The following RSRC1 variants were observed in gnomAD, a reference collection of about 807,000 sequenced individuals.
RSRC1 encodes the protein arginine and serine rich coiled-coil 1, also known as serine/Arginine-related protein 53.
RSRC1 carries 39 observed loss-of-function variants against 49.1 expected under a neutral mutation model. The observed-to-expected ratio is 0.79, with a 90% CI of 0.61 to 1.04. The LOEUF is 1.04. RSRC1 is among the 50% of genes least tolerant of loss of function. The pLI, the probability that RSRC1 is intolerant of heterozygous loss-of-function variation, is 0.00. For missense variants in RSRC1, 388 were observed against 402.4 expected (o/e 0.96, Z 0.31); for synonymous variants, 143 against 130.8 (o/e 1.09, Z -0.63).
rs1013795492 is a variant in RSRC1, at chr3:158,374,846, C to T, written c.583+19938C>T. On this transcript the variant is annotated intron_variant, in intron 6 of 9. Coordinates refer to ENST00000611884, the MANE Select transcript of RSRC1 (RefSeq NM_001271838.2). ...ATGTAGTCATTCCTATGGTCTTCCT[C>T]CTGGAAGGAATATGTTAAAACCTAT... Among the ~76,000 whole-genome samples the T allele has an allele frequency of 8.5e-5, 13 of 152,092 alleles. No individual in the cohort carries two copies. In the East Asian group the frequency reaches 1.9e-3, roughly 23 times the overall value.
chr3:158,373,639 T>C (rs1490823998), intron 6 of RSRC1, among the ~76,000 whole-genome samples: 2 of 152,110 alleles, frequency 1.3e-5, no homozygotes, highest in South Asian at 2.1e-4. Context: ...AAAACTTTTG[T>C]TTTGTATATA....
At chr3:158,445,597 T>C (rs576937898) in intron 6 of RSRC1, among the ~76,000 whole-genome samples, 1 of 152,162 alleles carries the variant, frequency 6.6e-6, no homozygotes, top group Admixed American at 6.5e-5. Context: ...GGCACATGTA[T>C]ATATATGTAA....
chr3:158,168,974 G>A (rs1027690478), intron 3 of RSRC1, among the ~76,000 whole-genome samples: 6 of 152,036 alleles, frequency 3.9e-5, no homozygotes, highest in Admixed American at 1.3e-4. Flanking sequence ...TCACAAGATC[G>A]GATGGGAGGT....
intron 6 of RSRC1, among the ~76,000 whole-genome samples, chr3:158,402,439 A>G (rs925192454): frequency 6.6e-6 from 1 of 151,868 alleles, no homozygotes; most frequent in African/African-American, 2.4e-5. Context: ...TAAGGCAAGT[A>G]TATCTTTAAA....
In RSRC1 at chr3:158,286,457, T is replaced by G. The variant is rs1240275529; in HGVS notation, c.495-11582T>G. On this transcript the variant is annotated intron_variant, in intron 4 of 9. Transcript: ENST00000611884. Reference sequence around the variant, plus strand: ...TTGTTACCGTGCCTGGCAAACTCTGTTCAGTATTTCCTCACAGGTGGAATC... The same window carrying G: ...TTGTTACCGTGCCTGGCAAACTCTGGTCAGTATTTCCTCACAGGTGGAATC... Among the ~76,000 whole-genome samples the G allele has an allele frequency of 2.0e-5, 3 of 152,192 alleles. No individual in the cohort carries two copies. In the East Asian group the frequency reaches 5.8e-4, roughly 29 times the overall value.
At chr3:158,358,740 T>C (rs1480259835) in intron 6 of RSRC1, among the ~76,000 whole-genome samples, 1 of 152,154 alleles carries the variant, frequency 6.6e-6, no homozygotes, top group Non-Finnish European at 1.5e-5. Flanking sequence ...ACCGCTTACC[T>C]ACTAGCAGTT....
chr3:158,323,453 C>T (rs1485614975), intron 5 of RSRC1, among the ~76,000 whole-genome samples: 1 of 152,260 alleles, frequency 6.6e-6, no homozygotes. Flanking sequence ...TCTGGTTCTT[C>T]AAGATCTTCC....
chr3:158,220,199 G>C (rs181568836), intron 4 of RSRC1, among the ~76,000 whole-genome samples: 7 of 151,612 alleles, frequency 4.6e-5, no homozygotes, highest in African/African-American at 1.7e-4. Context: ...AGGGCTAATC[G>C]TAGATAGGGA....
At chr3:158,392,367 A>G (rs992866954) in intron 6 of RSRC1, among the ~76,000 whole-genome samples, 1 of 152,090 alleles carries the variant, frequency 6.6e-6, no homozygotes, top group Non-Finnish European at 1.5e-5. Flanking sequence ...GTGAAATACT[A>G]TTAAACTTAT....
intron 3 of RSRC1, among the ~76,000 whole-genome samples, chr3:158,168,759 G>A (rs1718686669): frequency 1.3e-5 from 2 of 152,140 alleles, no homozygotes; most frequent in African/African-American, 4.8e-5. Context: ...CTAGTAACTA[G>A]TTTATTAGTT....
At chr3:158,298,271 A>T (rs1727351262) in intron 5 of RSRC1, among the ~76,000 whole-genome samples, 196 bp downstream of exon 5, 1 of 151,972 alleles carries the variant, frequency 6.6e-6, no homozygotes, top group African/African-American at 2.4e-5. Flanking sequence ...AAATTTTTTA[A>T]ATTACTTTTT....
At position 158,203,259 on chromosome 3, in the gene RSRC1, A is replaced by G; in HGVS notation, c.494+14A>G. Reference sequence around the variant, plus strand: ...CATCAAACGTGGGTAAGTTGGAGCAAATCTTATCTGGTAAGGACTTGGTGA... The same window carrying G: ...CATCAAACGTGGGTAAGTTGGAGCAGATCTTATCTGGTAAGGACTTGGTGA... On this transcript the variant is annotated intron_variant, in intron 4 of 9. Coordinates refer to ENST00000611884, the MANE Select transcript of RSRC1 (RefSeq NM_001271838.2). The G allele has an allele frequency of 6.4e-7, 1 of 1,562,458 alleles. No homozygotes were observed.
intron 6 of RSRC1, among the ~76,000 whole-genome samples, chr3:158,433,543 A>G (rs1016807901): frequency 8.5e-5 from 13 of 152,064 alleles, no homozygotes; most frequent in African/African-American, 3.1e-4. Flanking sequence ...AACTCCAGCC[A>G]CCTCAGACCC....
intron 6 of RSRC1, among the ~76,000 whole-genome samples, chr3:158,391,433 A>C (rs931737919): frequency 6.6e-6 from 1 of 152,156 alleles, no homozygotes; most frequent in African/African-American, 2.4e-5. Context: ...AATGCCTACC[A>C]CTTGCCAGGA....
intron 6 of RSRC1, among the ~76,000 whole-genome samples, chr3:158,415,290 G>T (rs184487772): frequency 2.6e-5 from 4 of 152,042 alleles, no homozygotes; most frequent in Admixed American, 6.6e-5. Flanking sequence ...AGCTTTTTTT[G>T]TGTGTGTGAG....
At chr3:158,194,909 A>C (rs182449770) in intron 3 of RSRC1, among the ~76,000 whole-genome samples, 1 of 152,098 alleles carries the variant, frequency 6.6e-6, no homozygotes, top group South Asian at 2.1e-4. Flanking sequence ...TTGGACATTT[A>C]GGATAGGTTC....
chr3:158,365,960 G>A (rs939202052), intron 6 of RSRC1, among the ~76,000 whole-genome samples: 1 of 152,132 alleles, frequency 6.6e-6, no homozygotes, highest in South Asian at 2.1e-4. Flanking sequence ...TTTGAGAAGT[G>A]TCTGTTCATA....
At chr3:158,254,395 G>A (rs868269637) in intron 4 of RSRC1, among the ~76,000 whole-genome samples, 20 of 152,064 alleles carry the variant, frequency 1.3e-4, no homozygotes, top group African/African-American at 4.1e-4. Context: ...GTGTAAAAGC[G>A]TTTCTATTTC....
At chr3:158,131,388 T>C (rs1213630489) in intron 3 of RSRC1, among the ~76,000 whole-genome samples, 1 of 152,126 alleles carries the variant, frequency 6.6e-6, no homozygotes, top group Admixed American at 6.5e-5. Flanking sequence ...CACTTATCTC[T>C]TGATTTTTTT....
Sources: allele counts gnomAD v4.1 joint callset (sites outside exome capture counted in the v4.1 genomes callset), GRCh38; gene constraint gnomAD v4.1.1; transcripts MANE v1.5; gene names NCBI Gene and HGNC (gene_info 2026-07-23, HGNC 2026-07-21).